METTL4: variants seen among roughly 807,000 people sequenced by gnomAD.
METTL4 encodes the protein N(6)-adenine-specific methyltransferase METTL4.
A neutral mutation model predicts 54.0 loss-of-function variants in METTL4; 40 were observed. The observed-to-expected ratio is 0.74, with a 90% CI of 0.58 to 0.96. The LOEUF (loss-of-function observed/expected upper bound fraction) is 0.96. Ranked by LOEUF, METTL4 falls within the 50% of genes least tolerant of loss-of-function variation. The probability of loss-of-function intolerance (pLI) is 0.00; values close to 1 mark genes in which losing one functional copy is unlikely to be tolerated. For missense variants in METTL4, 525 were observed against 549.0 expected (o/e 0.96, Z 0.44); for synonymous variants, 169 against 183.8 (o/e 0.92, Z 0.65).
intron 8 of METTL4, among the ~76,000 whole-genome samples, chr18:2,541,441 A>G (rs2071991419): frequency 6.6e-6 from 1 of 152,238 alleles, no homozygotes; most frequent in African/African-American, 2.4e-5. Context: ...ATATAATCCC[A>G]TCAACTAAAC....
chr18:2,539,682 G>A (rs1318291372), intron 8 of METTL4: 7 of 224,902 alleles, frequency 3.1e-5, no homozygotes, highest in South Asian at 1.6e-4. Context: ...GGGTTTCACC[G>A]TGTTCCCCAG....
chr18:2,564,399 C>T (rs1422494658), intron 2 of METTL4, among the ~76,000 whole-genome samples: 1 of 152,158 alleles, frequency 6.6e-6, no homozygotes, highest in African/African-American at 2.4e-5. Flanking sequence ...CCATGAAATA[C>T]AAGGAAACTA....
At chr18:2,562,128 T>G (rs964290295) in intron 3 of METTL4, 7 of 152,828 alleles carry the variant, frequency 4.6e-5, no homozygotes, top group African/African-American at 1.7e-4. Context: ...TCCCAGCACT[T>G]TGGGAGGCCA....
At chr18:2,556,131 G>C (rs2072235425) in intron 3 of METTL4, among the ~76,000 whole-genome samples, 1 of 152,142 alleles carries the variant, frequency 6.6e-6, no homozygotes, top group South Asian at 2.1e-4. Flanking sequence ...TGCATGGGAT[G>C]AAACTACCAA....
At chr18:2,563,714 A>C (rs2072357955) in intron 3 of METTL4, 83 bp downstream of exon 3, 1 of 987,264 alleles carries the variant, frequency 1.0e-6, no homozygotes, top group Non-Finnish European at 1.5e-6. Context: ...ATTTTGAAAA[A>C]AAATCCTTAT....
chr18:2,553,259 C>T (rs945401140), intron 4 of METTL4: 2 of 152,230 alleles, frequency 1.3e-5, no homozygotes, highest in Non-Finnish European at 2.9e-5. Flanking sequence ...TAACTCTCCT[C>T]CAACCTGGAA....
At chr18:2,552,919 A>G in intron 4 of METTL4, 155 bp from the exon 5 acceptor site, 2 of 569,062 alleles carry the variant, frequency 3.5e-6, no homozygotes, top group South Asian at 2.3e-5. Flanking sequence ...CAAACAGAGT[A>G]ATTTATCATT....
In METTL4 at chr18:2,539,145, T is replaced by A. The variant is rs1567949560; in HGVS notation, c.1274A>T (p.Glu425Val). Residue 425 changes from glutamate to valine, a missense_variant and splice_region_variant, in exon 9 of 9, where the codon GAG becomes GTG. By Grantham distance (121) the Glu-to-Val change is moderately radical (BLOSUM62 -2). Coordinates refer to ENST00000574538, the MANE Select transcript of METTL4 (RefSeq NM_022840.5). ...TGGCTTGATGTAGTCTTTTAAAACC[T>A]CTGTTTAAAAAAGAGAAAAAACACA... is the stretch of plus-strand genomic sequence containing the variant. ...TLHSHKPPLA[E>V]VLKDYIKPDG... is the part of the protein sequence containing the mutation. 2.5e-6 allele frequency: 4 copies of A among 1,610,126 alleles called. No individual in the cohort carries two copies. The highest frequency in any genetic ancestry group is 1.7e-5 in the Admixed American group (1 of 59,152).
intron 6 of METTL4, 32 bp downstream of exon 6, chr18:2,547,323 G>GT (rs1312389799): frequency 2.0e-6 from 3 of 1,506,182 alleles, no homozygotes; most frequent in Non-Finnish European, 2.7e-6. Context: ...CTATCAAGCT[G>GT]TATTAACAAA....
chr18:2,545,857 T>C (rs1192976617), intron 6 of METTL4, among the ~76,000 whole-genome samples: 1 of 152,130 alleles, frequency 6.6e-6, no homozygotes, highest in Non-Finnish European at 1.5e-5. Context: ...ATGCTTCATA[T>C]AACATAATAG....
chr18:2,541,379 G>C (rs1442585789), intron 8 of METTL4, among the ~76,000 whole-genome samples: 2 of 152,116 alleles, frequency 1.3e-5, no homozygotes, highest in Non-Finnish European at 2.9e-5. Flanking sequence ...TTTCGTTTTT[G>C]CTCTGAAAGC....
chr18:2,550,408 A>C (rs1324854722), intron 5 of METTL4, among the ~76,000 whole-genome samples: 2 of 152,242 alleles, frequency 1.3e-5, no homozygotes, highest in South Asian at 2.1e-4. Context: ...CAGTGGGAAT[A>C]TAAAATGGTG....
chr18:2,570,201 A>G (rs1165814374), intron 1 of METTL4, among the ~76,000 whole-genome samples: 1 of 152,112 alleles, frequency 6.6e-6, no homozygotes, highest in Non-Finnish European at 1.5e-5. Flanking sequence ...GACAACCGGA[A>G]CCAAAAGAAC....
At chr18:2,540,921 C>T in intron 8 of METTL4, 1 of 985,204 alleles carries the variant, frequency 1.0e-6, no homozygotes, top group Non-Finnish European at 1.2e-6. Context: ...TCTGAGCACC[C>T]ACTATAATCA....
At chr18:2,555,851 A>C (rs867149728) in intron 3 of METTL4, among the ~76,000 whole-genome samples, 2 of 152,150 alleles carry the variant, frequency 1.3e-5, no homozygotes, top group Middle Eastern at 6.8e-3. Flanking sequence ...TTTAAAAAAA[A>C]AAAAAGGCTT....
At chr18:2,559,014 T>C (rs1014600450) in intron 3 of METTL4, among the ~76,000 whole-genome samples, 2 of 152,162 alleles carry the variant, frequency 1.3e-5, no homozygotes, top group African/African-American at 2.4e-5. Flanking sequence ...GTATTGCTGG[T>C]AGGAATGTAA....
intron 3 of METTL4, among the ~76,000 whole-genome samples, chr18:2,563,051 T>A (rs186952137): frequency 1.2e-3 from 176 of 152,124 alleles, no homozygotes; most frequent in South Asian, 9.5e-3. Context: ...GAAAAAAAAA[T>A]TAAGCTTAAA....
intron 3 of METTL4, among the ~76,000 whole-genome samples, chr18:2,562,999 C>T (rs1031800806): frequency 1.3e-5 from 2 of 151,920 alleles, no homozygotes; most frequent in Admixed American, 6.5e-5. Context: ...TCAACAAGAC[C>T]GAATTCCAGA....
intron 4 of METTL4, 108 bp downstream of exon 4, chr18:2,554,561 C>A: frequency 1.0e-6 from 1 of 984,328 alleles, no homozygotes; most frequent in Middle Eastern, 3.3e-4. Context: ...AAAGTGTCTA[C>A]CCTATCCTCA....
Sources: allele counts gnomAD v4.1 joint callset (sites outside exome capture counted in the v4.1 genomes callset), GRCh38; gene constraint gnomAD v4.1.1; transcripts MANE v1.5; gene names NCBI Gene and HGNC (gene_info 2026-07-23, HGNC 2026-07-21).